KCND3: variants seen among roughly 807,000 people sequenced by gnomAD.
KCND3 encodes the protein A-type voltage-gated potassium channel KCND3.
Under a neutral mutation model 51.1 loss-of-function variants are expected in KCND3, and 9 were observed. That is an observed-to-expected ratio of 0.18 (90% CI 0.11 to 0.31). The LOEUF (loss-of-function observed/expected upper bound fraction) is 0.31. KCND3 is among the 10% of genes least tolerant of loss of function. The pLI, the probability that KCND3 is intolerant of heterozygous loss-of-function variation, is 1.00. For missense variants in KCND3, 526 were observed against 903.8 expected (o/e 0.58, Z 5.36); for synonymous variants, 349 against 368.0 (o/e 0.95, Z 0.59).
intron 2 of KCND3, among the ~76,000 whole-genome samples, chr1:111,980,055 G>C (rs750431506): frequency 6.6e-6 from 1 of 152,060 alleles, no homozygotes. Context: ...GGATAAAGAC[G>C]ACCTCTTGAC....
Position 111,815,519 on chromosome 1 carries a change from C to T in KCND3, c.1107-28413G>A, listed in dbSNP as rs182683115. Among the ~76,000 whole-genome samples, 329 of 150,186 alleles carry T rather than the reference C, an allele frequency of 2.2e-3. 2 individuals carry two copies. The highest frequency in any genetic ancestry group is 7.8e-3 in the African/African-American group (319 of 40,706). ...TGCTGGCTTCCTCATCCCCTGCCAT[C>T]CCCCAGTTGATATCTAGTTGCCCTG... On this transcript the variant is annotated intron_variant, in intron 2 of 7. Transcript: ENST00000302127.
At chr1:111,937,266 G>C (rs1258278737) in intron 2 of KCND3, among the ~76,000 whole-genome samples, 1 of 152,142 alleles carries the variant, frequency 6.6e-6, no homozygotes, top group African/African-American at 2.4e-5. Flanking sequence ...TGAGTTCCCA[G>C]AGGTTCCAAG....
chr1:111,788,797 T>A (rs184186539), intron 2 of KCND3, among the ~76,000 whole-genome samples: 81 of 152,298 alleles, frequency 5.3e-4, no homozygotes, highest in African/African-American at 1.8e-3. Context: ...CATATGATCT[T>A]GGGGGAATGT....
At chr1:111,787,352 T>C (rs1664649590) in intron 2 of KCND3, among the ~76,000 whole-genome samples, 3 of 152,206 alleles carry the variant, frequency 2.0e-5, no homozygotes, top group African/African-American at 7.2e-5. Context: ...AAATATCATG[T>C]CTTTGTTGGT....
chr1:111,780,362 C>G lies in KCND3; in HGVS notation c.1372-48G>C. The G allele has an allele frequency of 6.8e-7, 1 of 1,481,178 alleles. No individual in the cohort carries two copies. Among genetic ancestry groups the G allele is most frequent in the Non-Finnish European group, 9.2e-7 (1 of 1,082,730 alleles). The allele number at this position is 1,481,178 out of a possible 1,614,324, so 91.8% of individuals were successfully genotyped here. ...TGAGTAAAAAGCTGGTGGCTCTTCC[C>G]CTCTCCAGCTCCTTCATTTCTCCAC... On this transcript the variant is annotated intron_variant, in intron 4 of 7. Coordinates refer to ENST00000302127, the MANE Select transcript of KCND3 (RefSeq NM_001378969.1). This position sits in a 1 kb window ranked among gnomAD's most constrained non-coding sequence, Gnocchi z 4.2.
chr1:111,965,482 A>G (rs1276610861), intron 2 of KCND3, among the ~76,000 whole-genome samples: 1 of 149,456 alleles, frequency 6.7e-6, no homozygotes, highest in African/African-American at 2.5e-5. Flanking sequence ...ACACACACAC[A>G]CACACACGCC....
At chr1:111,812,074 T>C (rs1665880270) in intron 2 of KCND3, among the ~76,000 whole-genome samples, 1 of 152,124 alleles carries the variant, frequency 6.6e-6, no homozygotes, top group South Asian at 2.1e-4. Context: ...CACAGGACCA[T>C]AGTGATGACT....
chr1:111,813,138 C>T (rs1285498259), intron 2 of KCND3, among the ~76,000 whole-genome samples: 1 of 152,064 alleles, frequency 6.6e-6, no homozygotes, highest in African/African-American at 2.4e-5. Flanking sequence ...CAAGTGCCCT[C>T]CATGTGGGAG....
intron 2 of KCND3, among the ~76,000 whole-genome samples, chr1:111,823,319 T>C (rs966093544): frequency 6.6e-6 from 1 of 151,998 alleles, no homozygotes; most frequent in Non-Finnish European, 1.5e-5. Context: ...TTTTCAACGG[T>C]TTCTCACAGT....
At chr1:111,905,995 C>G (rs753042070) in intron 2 of KCND3, among the ~76,000 whole-genome samples, 20 of 152,218 alleles carry the variant, frequency 1.3e-4, no homozygotes, top group Non-Finnish European at 2.8e-4. Flanking sequence ...TCGTAACTAC[C>G]TGGGTGGAGA....
At chr1:111,860,735 A>G (rs1003085734) in intron 2 of KCND3, among the ~76,000 whole-genome samples, 3 of 152,180 alleles carry the variant, frequency 2.0e-5, no homozygotes, top group Non-Finnish European at 4.4e-5. Context: ...GCCCATGACA[A>G]GTGAGCTCTC....
chr1:111,841,530 T>C (rs1438524157), intron 2 of KCND3, among the ~76,000 whole-genome samples: 1 of 152,280 alleles, frequency 6.6e-6, no homozygotes, highest in African/African-American at 2.4e-5. Flanking sequence ...GCATGCTCAA[T>C]TTAATCGCTA....
intron 2 of KCND3, among the ~76,000 whole-genome samples, chr1:111,789,832 T>C (rs1664756227): frequency 6.6e-6 from 1 of 152,222 alleles, no homozygotes. Flanking sequence ...ACCTATTGCA[T>C]CATGATTTTA....
intron 2 of KCND3, among the ~76,000 whole-genome samples, chr1:111,798,312 A>G (rs141484593): frequency 6.6e-6 from 1 of 152,120 alleles, no homozygotes; most frequent in African/African-American, 2.4e-5. Flanking sequence ...TCTCTTTGCT[A>G]GGTAACTCAG....
intron 2 of KCND3, among the ~76,000 whole-genome samples, chr1:111,847,358 G>C (rs525255): frequency 0.19 from 28,523 of 152,184 alleles, 2,920 homozygotes; most frequent in Non-Finnish European, 0.24. Flanking sequence ...GTGTGAGTGT[G>C]TGTGTGTGTT....
chr1:111,982,489 T>C lies in KCND3; in HGVS notation c.238A>G (p.Lys80Glu). Reference sequence around the variant, plus strand: ...GGGTCCCGGTCGAAGAAGTACTCCTTGGTGTCCTCGTTGAAGAAGAACTCC... The same window carrying C: ...GGGTCCCGGTCGAAGAAGTACTCCTCGGTGTCCTCGTTGAAGAAGAACTCC... ...EKEFFFNEDT[K>E]EYFFDRDPEV... The change falls in exon 2 of 8, where the codon AAG (lysine) becomes GAG (glutamate). Residue 80 changes from lysine to glutamate, a missense_variant. Physicochemically the swap from Lys to Glu is moderately conservative, Grantham distance 56. Coordinates refer to ENST00000302127, the MANE Select transcript of KCND3 (RefSeq NM_001378969.1). The surrounding 1 kb of genome is among the most constrained non-coding windows in gnomAD (Gnocchi z 8.5). 6.2e-7 allele frequency: 1 copy of C among 1,609,238 alleles called. No homozygotes were observed. The highest frequency in any genetic ancestry group is 8.5e-7 in the Non-Finnish European group (1 of 1,176,184).
chr1:111,982,635 G>A lies in KCND3; in HGVS notation c.92C>T (p.Pro31Leu), dbSNP rs374337721. Residue 31 changes from proline (P) to leucine (L), a missense_variant, in exon 2 of 8, where the codon CCG becomes CTG. By Grantham distance (98) the Pro-to-Leu change is moderately conservative. This residue lies in a region of KCND3 where 159 missense variants were observed against 262.8 expected (regional missense o/e 0.61). Transcript: ENST00000302127. The surrounding 1 kb of genome is among the most constrained non-coding windows in gnomAD (Gnocchi z 8.5). ...PVANCPMPLAPADKNKRQDEL... is the reference protein window; with the variant it reads ...PVANCPMPLALADKNKRQDEL... ...ATCCTGCCGCTTGTTCTTGTCGGCCGGGGCCAGGGGCATGGGGCAGTTGGC... is the reference window on the plus strand; with the variant it reads ...ATCCTGCCGCTTGTTCTTGTCGGCCAGGGCCAGGGGCATGGGGCAGTTGGC... 3 of 1,613,612 alleles carry A rather than the reference G, an allele frequency of 1.9e-6. No homozygotes were observed. Among genetic ancestry groups the A allele is most frequent in the Non-Finnish European group, 8.5e-7 (1 of 1,179,862 alleles).
rs1213169324 is a variant in KCND3, at chr1:111,893,738, G to A, written c.1106+87883C>T. 2.0e-5 allele frequency among the ~76,000 whole-genome samples: 3 copies of A among 152,262 alleles called. No individual in the cohort carries two copies. In the South Asian group the frequency reaches 6.2e-4, roughly 32 times the overall value. On this transcript the variant is annotated intron_variant, in intron 2 of 7. Transcript: ENST00000302127. ...AAGTGACAGGAGTCATGGTGAGAAG[G>A]GGTCAGGTTTGAGATGGCCTTGAAG...
chr1:111,824,619 T>TGATCTTAAA (rs1488685847), intron 2 of KCND3, among the ~76,000 whole-genome samples: 6 of 152,298 alleles, frequency 3.9e-5, no homozygotes, highest in African/African-American at 1.4e-4. Flanking sequence ...TGGACCCTCT[T>TGATCTTAAA]GATCTTAAAG....
Sources: allele counts gnomAD v4.1 joint callset (sites outside exome capture counted in the v4.1 genomes callset), GRCh38; gene constraint gnomAD v4.1.1; regional missense constraint gnomAD v4.1.1; non-coding constraint Gnocchi (gnomAD v3.1); transcripts MANE v1.5; gene names NCBI Gene and HGNC (gene_info 2026-07-23, HGNC 2026-07-21).